Variants in HPSE2 observed in about 807,000 individuals in gnomAD.
HPSE2 encodes inactive heparanase-2.
A neutral mutation model predicts 60.5 loss-of-function variants in HPSE2; 38 were observed. The ratio of observed to expected loss-of-function variants is 0.63; its 90% CI spans 0.48 to 0.82. The LOEUF (loss-of-function observed/expected upper bound fraction) is 0.82, where lower values mean the gene tolerates loss of function less well. Ranked by LOEUF, HPSE2 falls within the 40% of genes least tolerant of loss-of-function variation. The pLI, the probability that HPSE2 is intolerant of heterozygous loss-of-function variation, is 0.00. For synonymous variants in HPSE2, 295 were observed against 293.2 expected (o/e 1.01, Z -0.06); for missense variants, 713 against 740.4 (o/e 0.96, Z 0.43).
At chr10:99,217,832 T>C (rs1165976366) in intron 2 of HPSE2, among the ~76,000 whole-genome samples, 1 of 152,090 alleles carries the variant, frequency 6.6e-6, no homozygotes, top group Non-Finnish European at 1.5e-5. Context: ...ACAATCCTCT[T>C]GGCTTAGCCT....
At chr10:98,630,182 C>T (rs1033221114) in intron 7 of HPSE2, among the ~76,000 whole-genome samples, 1 of 143,726 alleles carries the variant, frequency 7.0e-6, no homozygotes, top group African/African-American at 2.6e-5. Flanking sequence ...ACGAAGCAAT[C>T]GTTTTTTTTT....
intron 3 of HPSE2, among the ~76,000 whole-genome samples, chr10:99,100,321 T>C (rs759021459): frequency 4.6e-5 from 7 of 152,108 alleles, no homozygotes; most frequent in South Asian, 2.1e-4. Flanking sequence ...CTAAAAACCA[T>C]GGCACAAGAA....
chr10:98,530,606 C>A (rs1239527102), intron 9 of HPSE2, among the ~76,000 whole-genome samples: 1 of 152,192 alleles, frequency 6.6e-6, no homozygotes, highest in East Asian at 1.9e-4. Context: ...GATTTCACTG[C>A]CTGACAAGCT....
intron 6 of HPSE2, among the ~76,000 whole-genome samples, chr10:98,662,287 A>T (rs1402670127): frequency 6.6e-6 from 1 of 152,220 alleles, no homozygotes; most frequent in Non-Finnish European, 1.5e-5. Flanking sequence ...CCGGAAACTG[A>T]CAGTACACAT....
chr10:98,591,459 T>A (rs1945088384), intron 9 of HPSE2, among the ~76,000 whole-genome samples: 1 of 152,116 alleles, frequency 6.6e-6, no homozygotes, highest in Admixed American at 6.5e-5. Context: ...GGCTAGGAGT[T>A]CGAGACCAGC....
Position 98,631,603 on chromosome 10 carries a change from G to A in HPSE2, c.1098+10244C>T, listed in dbSNP as rs552748756. On this transcript the variant is annotated intron_variant, in intron 7 of 11. Transcript: ENST00000370552. ...CTGAAACACTGGATGGTCATCCTAAGTTGCCCCTTCCTCCTGAAGAAGCTT... is the reference window on the plus strand; with the variant it reads ...CTGAAACACTGGATGGTCATCCTAAATTGCCCCTTCCTCCTGAAGAAGCTT... Among the ~76,000 whole-genome samples, 8 of 152,290 alleles carry A rather than the reference G, an allele frequency of 5.3e-5. No homozygotes were observed. In the East Asian group the frequency reaches 1.5e-3, roughly 29 times the overall value.
At chr10:99,041,641 T>C (rs1957742175) in intron 3 of HPSE2, among the ~76,000 whole-genome samples, 1 of 152,102 alleles carries the variant, frequency 6.6e-6, no homozygotes, top group Admixed American at 6.5e-5. Flanking sequence ...CATGTGCCCT[T>C]AGGGTAGGGG....
At chr10:99,056,879 T>C (rs893334434) in intron 3 of HPSE2, among the ~76,000 whole-genome samples, 13 of 152,158 alleles carry the variant, frequency 8.5e-5, no homozygotes, top group Non-Finnish European at 1.9e-4. Context: ...TTGTAGGATA[T>C]TCATACAATG....
rs1479970054 is a variant in HPSE2 at position 98,931,330 on chromosome 10, G to T, written c.611-187274C>A. 4.2e-5 allele frequency among the ~76,000 whole-genome samples: 6 copies of T among 143,672 alleles called. 2 individuals carry two copies. The highest frequency in any genetic ancestry group is 1.7e-4 in the African/African-American group (6 of 35,398). The allele number at this position is 143,672 out of a possible 152,430, so 94.3% of individuals were successfully genotyped here. ...TCTATTCTGTTCCATTTGTCTATGT[G>T]CCTGTTTTTGTACCAGTACCATGCT... On this transcript the variant is annotated intron_variant, in intron 3 of 11. Coordinates refer to ENST00000370552, the MANE Select transcript of HPSE2 (RefSeq NM_021828.5).
chr10:98,805,744 C>T (rs865680), intron 3 of HPSE2, among the ~76,000 whole-genome samples: 17,630 of 151,916 alleles, frequency 0.12, 2,602 homozygotes, highest in African/African-American at 0.34. Flanking sequence ...ATAGACAATG[C>T]GGAAAGAAAT....
At chr10:99,207,811 C>G (rs11190018) in intron 2 of HPSE2, among the ~76,000 whole-genome samples, 74,755 of 151,504 alleles carry the variant, frequency 0.49, 21,638 homozygotes, top group Non-Finnish European at 0.64. Flanking sequence ...AGCCACCCCC[C>G]ACCTTATTCA....
At chr10:99,003,742 G>A (rs1956829084) in intron 3 of HPSE2, among the ~76,000 whole-genome samples, 1 of 152,026 alleles carries the variant, frequency 6.6e-6, no homozygotes, top group Admixed American at 6.6e-5. Context: ...CCAGATGGAT[G>A]GTTTGCAAAT....
At chr10:98,482,270 A>G (rs77756755) in intron 11 of HPSE2, among the ~76,000 whole-genome samples, 3,344 of 152,254 alleles carry the variant, frequency 0.022, 122 homozygotes, top group African/African-American at 0.076. Context: ...AACTACCAGG[A>G]TGTTTGGTTG....
At position 98,700,007 on chromosome 10, in the gene HPSE2, G is replaced by A. The variant is rs1250597892; in HGVS notation, c.957-6060C>T. On this transcript the variant is annotated intron_variant, in intron 5 of 11. Coordinates refer to ENST00000370552, the MANE Select transcript of HPSE2 (RefSeq NM_021828.5). The stretch of plus-strand genomic sequence containing the variant: ...GAAATAAAAGAGGATGCAAACGAAT[G>A]GAAGAACATTCCATGCTCATGGGTA... Among the ~76,000 whole-genome samples the A allele has an allele frequency of 1.3e-4, 20 of 151,586 alleles. No individual in the cohort carries two copies. In the East Asian group the frequency reaches 3.3e-3, roughly 25 times the overall value.
At chr10:98,607,213 C>T (rs1381974928) in intron 9 of HPSE2, among the ~76,000 whole-genome samples, 1 of 152,044 alleles carries the variant, frequency 6.6e-6, no homozygotes, top group Non-Finnish European at 1.5e-5. Context: ...CCTTGCTCCT[C>T]GCTGTCTGCA....
intron 2 of HPSE2, among the ~76,000 whole-genome samples, chr10:99,205,512 G>A (rs1263451373): frequency 2.0e-5 from 3 of 152,052 alleles, no homozygotes; most frequent in Non-Finnish European, 4.4e-5. Flanking sequence ...AACCCGGGCG[G>A]CAGAGGTTGC....
chr10:98,724,581 T>C (rs11189778), intron 4 of HPSE2, among the ~76,000 whole-genome samples: 22,226 of 152,124 alleles, frequency 0.15, 1,973 homozygotes, highest in Admixed American at 0.23. Flanking sequence ...AAGTCTCCCA[T>C]TATTATTGTG....
intron 3 of HPSE2, among the ~76,000 whole-genome samples, chr10:98,958,560 T>C (rs1955567122): frequency 6.6e-6 from 1 of 152,088 alleles, no homozygotes; most frequent in African/African-American, 2.4e-5. Context: ...TTAATAAAAA[T>C]AACCTTAAGA....
chr10:99,142,866 C>T (rs1845910246), intron 3 of HPSE2, among the ~76,000 whole-genome samples: 1 of 151,976 alleles, frequency 6.6e-6, no homozygotes, highest in African/African-American at 2.4e-5. Context: ...CAAGGTCTGA[C>T]CCCTCTTATA....
Sources: allele counts gnomAD v4.1 joint callset (sites outside exome capture counted in the v4.1 genomes callset), GRCh38; gene constraint gnomAD v4.1.1; transcripts MANE v1.5; gene names NCBI Gene and HGNC (gene_info 2026-07-23, HGNC 2026-07-21).